The following KMT2C variants were observed in gnomAD, a reference collection of about 807,000 sequenced individuals.
The protein encoded by KMT2C is histone-lysine N-methyltransferase 2C.
In KMT2C, 88 loss-of-function variants were observed where a neutral mutation model predicts 507.9. The observed-to-expected ratio is 0.17, with a 90% CI of 0.15 to 0.21. KMT2C has a LOEUF of 0.21. KMT2C is among the 10% of genes least tolerant of loss of function. KMT2C has a pLI of 1.00. For missense variants in KMT2C, 4,954 were observed against 5,957.8 expected (o/e 0.83, Z 5.55); for synonymous variants, 2,049 against 2,080.8 (o/e 0.98, Z 0.42).
At chr7:152,401,487 T>TA (rs2097573217) in intron 1 of KMT2C, among the ~76,000 whole-genome samples, 2 of 151,688 alleles carry the variant, frequency 1.3e-5, no homozygotes, top group Admixed American at 1.3e-4. Context: ...GGTCAGGAGT[T>TA]AAAGACCAGC....
At chr7:152,278,423 G>A (rs2129180183) in intron 6 of KMT2C, among the ~76,000 whole-genome samples, 1 of 152,290 alleles carries the variant, frequency 6.6e-6, no homozygotes, top group East Asian at 1.9e-4. Context: ...TGGGATTACA[G>A]GCACCTGCCA....
intron 31 of KMT2C, among the ~76,000 whole-genome samples, chr7:152,190,234 A>G (rs778730639): frequency 6.6e-5 from 10 of 152,224 alleles, no homozygotes; most frequent in Non-Finnish European, 1.3e-4. Flanking sequence ...AATAAACAAT[A>G]TCAAATGTCT....
At chr7:152,368,514 G>GA in intron 1 of KMT2C, 1 of 1,346,102 alleles carries the variant, frequency 7.4e-7, no homozygotes, top group Non-Finnish European at 1.0e-6. Context: ...TAATGAAAAA[G>GA]AATTTGGAAG....
chr7:152,309,528 T>G, intron 6 of KMT2C, among the ~76,000 whole-genome samples: 1 of 146,166 alleles, frequency 6.8e-6, no homozygotes, highest in Admixed American at 6.8e-5. Context: ...TTTTTTTTTT[T>G]TTTTTTAATT....
At chr7:152,136,952 A>G in intron 58 of KMT2C, 28 bp from the exon 59 acceptor site, 1 of 1,558,404 alleles carries the variant, frequency 6.4e-7, no homozygotes, top group South Asian at 1.1e-5. Flanking sequence ...ACAGGGTAAG[A>G]AAGGACAGCA....
intron 1 of KMT2C, 42 bp downstream of exon 1, chr7:152,435,584 C>T: frequency 4.5e-6 from 6 of 1,327,662 alleles, no homozygotes; most frequent in Non-Finnish European, 5.9e-6. Context: ...CGGCCCGGCG[C>T]CGCCGCTGGC....
At chr7:152,328,176 G>A (rs1048433077) in intron 3 of KMT2C, among the ~76,000 whole-genome samples, 1 of 152,026 alleles carries the variant, frequency 6.6e-6, no homozygotes, top group Non-Finnish European at 1.5e-5. Context: ...GGGAGCTGCT[G>A]TTTTCTTTTC....
intron 1 of KMT2C, among the ~76,000 whole-genome samples, chr7:152,392,990 G>A (rs1269375857): frequency 6.6e-6 from 1 of 152,100 alleles, no homozygotes; most frequent in East Asian, 1.9e-4. Flanking sequence ...AGCTACTCTG[G>A]AGGCTGAGTA....
At chr7:152,358,204 G>A (rs1055804245) in intron 2 of KMT2C, among the ~76,000 whole-genome samples, 11 of 152,192 alleles carry the variant, frequency 7.2e-5, no homozygotes, top group African/African-American at 2.4e-4. Flanking sequence ...ATTCCATAAC[G>A]AAACATACTA....
At chr7:152,237,289 A>G (rs1169065888) in intron 15 of KMT2C, among the ~76,000 whole-genome samples, 1 of 152,274 alleles carries the variant, frequency 6.6e-6, no homozygotes, top group Non-Finnish European at 1.5e-5. Context: ...TTATGGTGAT[A>G]CTGTAAGCAT....
At chr7:152,306,953 G>C (rs867042647) in intron 6 of KMT2C, among the ~76,000 whole-genome samples, 3 of 152,148 alleles carry the variant, frequency 2.0e-5, no homozygotes, top group Non-Finnish European at 4.4e-5. Context: ...AAGCTCAGGA[G>C]ATAGAGACTA....
chr7:152,326,231 T>C (rs1180502320), intron 3 of KMT2C, among the ~76,000 whole-genome samples: 1 of 152,222 alleles, frequency 6.6e-6, no homozygotes, highest in East Asian at 1.9e-4. Flanking sequence ...AAATTTACTG[T>C]AGAAATTTTT....
chr7:152,348,394 CGA>C (rs1218922978), intron 2 of KMT2C, among the ~76,000 whole-genome samples: 2 of 151,206 alleles, frequency 1.3e-5, no homozygotes, highest in African/African-American at 4.9e-5. Context: ...GTCAGGAGTT[CGA>C]GATCAGTCTG....
intron 7 of KMT2C, among the ~76,000 whole-genome samples, chr7:152,273,283 T>C (rs2096011715): frequency 8.5e-5 from 13 of 152,214 alleles, no homozygotes; most frequent in Admixed American, 8.5e-4. Flanking sequence ...CAGAAGTCTT[T>C]GGTGTTCTTA....
At chr7:152,344,555 GCA>G (rs2097033452) in intron 2 of KMT2C, among the ~76,000 whole-genome samples, 2 of 152,090 alleles carry the variant, frequency 1.3e-5, no homozygotes. Context: ...GGACACTACT[GCA>G]CAGTGTTATT....
At chr7:152,243,410 T>C in intron 14 of KMT2C, among the ~76,000 whole-genome samples, 1 of 152,318 alleles carries the variant, frequency 6.6e-6, no homozygotes. Flanking sequence ...TCTTATAATA[T>C]AAAGTAAACT....
intron 44 of KMT2C, chr7:152,157,773 C>T (rs539181972): frequency 2.3e-6 from 3 of 1,280,100 alleles, no homozygotes; most frequent in South Asian, 2.7e-5. Context: ...TGTAGATCAA[C>T]TGAGAATAGT....
intron 22 of KMT2C, among the ~76,000 whole-genome samples, chr7:152,221,623 C>G (rs1161090618): frequency 4.6e-5 from 7 of 152,078 alleles, no homozygotes; most frequent in Non-Finnish European, 1.0e-4. Flanking sequence ...ATATGAATCA[C>G]CATACTAGGC....
intron 1 of KMT2C, chr7:152,367,116 G>A: frequency 1.1e-6 from 1 of 927,282 alleles, no homozygotes; most frequent in Non-Finnish European, 1.7e-6. Flanking sequence ...AGGAAGAGAA[G>A]AGTGTGGTCT....
Sources: gnomAD v4.1 joint callset for allele counts (sites outside exome capture counted in the v4.1 genomes callset) on GRCh38, gnomAD v4.1.1 for gene constraint, MANE v1.5 for transcripts, NCBI Gene and HGNC (gene_info 2026-07-23, HGNC 2026-07-21) for gene names.